The following XPR1 variants were observed in gnomAD, a reference collection of about 807,000 sequenced individuals.
XPR1 encodes xenotropic and polytropic retrovirus receptor 1.
Under a neutral mutation model 87.5 loss-of-function variants are expected in XPR1, and 28 were observed. The observed-to-expected ratio is 0.32, with a 90% CI of 0.24 to 0.44. XPR1 has a LOEUF of 0.44. XPR1 is among the 20% of genes least tolerant of loss of function. The pLI, the probability that XPR1 is intolerant of heterozygous loss-of-function variation, is 1.00. For synonymous variants in XPR1, 300 were observed against 306.1 expected, an observed-to-expected ratio of 0.98 and a Z score of 0.21; for missense variants, 559 against 862.3, an observed-to-expected ratio of 0.65 and a Z score of 4.41.
chr1:180,724,912 G>T (rs1020913784), intron 2 of XPR1, among the ~76,000 whole-genome samples: 2 of 152,158 alleles, frequency 1.3e-5, no homozygotes, highest in Admixed American at 1.3e-4. Context: ...ATATATTTTT[G>T]ATTCTAAGAA....
chr1:180,793,043 T>C (rs1428462614), intron 3 of XPR1, among the ~76,000 whole-genome samples: 1 of 152,156 alleles, frequency 6.6e-6, no homozygotes, highest in Non-Finnish European at 1.5e-5. Context: ...GGTGACTTTT[T>C]TGACTTCGGT....
intron 2 of XPR1, among the ~76,000 whole-genome samples, chr1:180,731,049 GT>G (rs1286524890): frequency 6.6e-6 from 1 of 152,076 alleles, no homozygotes; most frequent in Non-Finnish European, 1.5e-5. Flanking sequence ...TCTAGAATTT[GT>G]TACATTGTAT....
intron 1 of XPR1, among the ~76,000 whole-genome samples, chr1:180,660,040 T>C (rs1341845078): frequency 6.6e-6 from 1 of 152,144 alleles, no homozygotes; most frequent in Non-Finnish European, 1.5e-5. Context: ...GCTTCAATCT[T>C]CTTACTTGTT....
At chr1:180,696,776 G>A (rs1004651224) in intron 2 of XPR1, among the ~76,000 whole-genome samples, 1 of 152,124 alleles carries the variant, frequency 6.6e-6, no homozygotes, top group African/African-American at 2.4e-5. Flanking sequence ...CTGGTGATGT[G>A]ATATTTCACA....
At chr1:180,809,695 C>G (rs546261793) in intron 6 of XPR1, among the ~76,000 whole-genome samples, 17 of 152,104 alleles carry the variant, frequency 1.1e-4, no homozygotes, top group African/African-American at 3.9e-4. Context: ...GTTTTGGGAT[C>G]AGGGAGGAAT....
At chr1:180,874,605 G>A (rs1467510324) in intron 13 of XPR1, among the ~76,000 whole-genome samples, 4 of 151,966 alleles carry the variant, frequency 2.6e-5, no homozygotes, top group African/African-American at 9.7e-5. Context: ...CAGGAGAATC[G>A]CTTGAATCCA....
intron 3 of XPR1, among the ~76,000 whole-genome samples, chr1:180,801,060 G>A (rs1393441171): frequency 1.3e-5 from 2 of 152,182 alleles, no homozygotes; most frequent in Non-Finnish European, 2.9e-5. Context: ...AAATCTCTGT[G>A]TGCAAAAACA....
At chr1:180,668,675 A>G (rs1656052512) in intron 1 of XPR1, among the ~76,000 whole-genome samples, 1 of 152,116 alleles carries the variant, frequency 6.6e-6, no homozygotes, top group East Asian at 1.9e-4. Flanking sequence ...GAGTTATTGA[A>G]GTATGTGTTG....
chr1:180,641,753 A>G (rs767270469), intron 1 of XPR1, among the ~76,000 whole-genome samples: 2 of 152,202 alleles, frequency 1.3e-5, no homozygotes. Context: ...TCTGTTTTAC[A>G]AATGAATAAA....
intron 2 of XPR1, among the ~76,000 whole-genome samples, chr1:180,761,180 CA>C (rs1312005873): frequency 3.3e-5 from 5 of 152,278 alleles, no homozygotes; most frequent in African/African-American, 1.2e-4. Context: ...AAAACCTAGG[CA>C]ATACCGGTAA....
At chr1:180,822,944 T>G (rs1403188956) in intron 7 of XPR1, among the ~76,000 whole-genome samples, 1 of 152,078 alleles carries the variant, frequency 6.6e-6, no homozygotes, top group Non-Finnish European at 1.5e-5. Flanking sequence ...TTTAAGTATA[T>G]AAATTAGTAT....
chr1:180,860,830 C>A (rs76275953), intron 11 of XPR1, among the ~76,000 whole-genome samples: 1,708 of 151,610 alleles, frequency 0.011, 24 homozygotes, highest in African/African-American at 0.039. Flanking sequence ...ATAACATGGG[C>A]TTGCAAGAGA....
intron 1 of XPR1, among the ~76,000 whole-genome samples, chr1:180,650,253 T>C (rs995214159): frequency 6.6e-6 from 1 of 152,080 alleles, no homozygotes; most frequent in Non-Finnish European, 1.5e-5. Flanking sequence ...TTTTCTTTCT[T>C]AGAGATGGGT....
rs191204166 is a variant in XPR1 at position 180,646,825 on chromosome 1, G to A, written c.69+14555G>A. ...CCATGCATGGACTGAAATAAGTGTT[G>A]GATTCTGACTTAAAGCCTGCCACCA... On this transcript the variant is annotated intron_variant, in intron 1 of 14. Coordinates refer to ENST00000367590, the MANE Select transcript of XPR1 (RefSeq NM_004736.4). 8.5e-5 allele frequency among the ~76,000 whole-genome samples: 13 copies of A among 152,160 alleles called. No individual in the cohort carries two copies. The East Asian group carries it at 1.9e-3, about 23-fold the overall frequency.
intron 2 of XPR1, chr1:180,758,806 T>C (rs1571806761): frequency 6.6e-6 from 1 of 152,316 alleles, no homozygotes; most frequent in South Asian, 2.1e-4. Flanking sequence ...TCGTGAAGCG[T>C]TCCATTTCTT....
intron 4 of XPR1, among the ~76,000 whole-genome samples, chr1:180,805,478 C>T (rs1169253260): frequency 6.6e-6 from 1 of 152,194 alleles, no homozygotes; most frequent in Non-Finnish European, 1.5e-5. Flanking sequence ...ATCACTTCCT[C>T]CTTTCTACTT....
At chr1:180,745,833 A>G (rs558735723) in intron 2 of XPR1, among the ~76,000 whole-genome samples, 2 of 152,346 alleles carry the variant, frequency 1.3e-5, no homozygotes, top group Admixed American at 1.3e-4. Context: ...GTTGCTGCAT[A>G]CATTTTGTTT....
intron 11 of XPR1, among the ~76,000 whole-genome samples, chr1:180,848,949 A>G (rs554810548): frequency 1.3e-5 from 2 of 152,310 alleles, no homozygotes; most frequent in African/African-American, 4.8e-5. Context: ...GAGAAAAGCC[A>G]TGTGGTCAGC....
At chr1:180,703,049 A>G (rs949084094) in intron 2 of XPR1, among the ~76,000 whole-genome samples, 12 of 152,106 alleles carry the variant, frequency 7.9e-5, no homozygotes, top group Non-Finnish European at 1.5e-5. Context: ...TGTAGCTTTA[A>G]TTAGTGTCAG....
Sources: allele counts gnomAD v4.1 joint callset (sites outside exome capture counted in the v4.1 genomes callset), GRCh38; gene constraint gnomAD v4.1.1; transcripts MANE v1.5; gene names NCBI Gene and HGNC (gene_info 2026-07-23, HGNC 2026-07-21).